HYAL4: variants seen among roughly 807,000 people sequenced by gnomAD.
The protein encoded by HYAL4 is hyaluronidase 4.
A neutral mutation model predicts 35.2 loss-of-function variants in HYAL4; 37 were observed. The ratio of observed to expected loss-of-function variants is 1.05; its 90% CI spans 0.81 to 1.38. The LOEUF (loss-of-function observed/expected upper bound fraction) is 1.38, where lower values mean the gene tolerates loss of function less well. Ranked by LOEUF, HYAL4 falls within the 40% of genes most tolerant of loss-of-function variation. HYAL4 has a pLI of 0.00. For missense variants in HYAL4, 572 were observed against 572.4 expected, an observed-to-expected ratio of 1.00 and a Z score of 0.01; for synonymous variants, 198 against 203.2, an observed-to-expected ratio of 0.97 and a Z score of 0.22.
At chr7:123,844,522 C>T (rs920624663), upstream of HYAL4, among the ~76,000 whole-genome samples, 2 of 152,210 alleles carry the variant, frequency 1.3e-5, no homozygotes, top group African/African-American at 4.8e-5. Context: ...TGTCCTTTCT[C>T]AGAGCTCAAA....
upstream of HYAL4, among the ~76,000 whole-genome samples, chr7:123,828,184 C>T (rs912529501): frequency 3.3e-5 from 5 of 152,092 alleles, no homozygotes; most frequent in African/African-American, 1.2e-4. Context: ...GTAACACTAG[C>T]ATTTGGTGTA....
At chr7:123,796,075 G>A in the HYAL4 span, among the ~76,000 whole-genome samples, 1 of 152,228 alleles carries the variant, frequency 6.6e-6, no homozygotes, top group African/African-American at 2.4e-5. Flanking sequence ...CTATATTGCA[G>A]GGAAATGAAG....
chr7:123,874,949 G>T (rs1806974541), intron 4 of HYAL4, 99 bp downstream of exon 4: 1 of 706,978 alleles, frequency 1.4e-6, no homozygotes. Context: ...ACCAGCTTTA[G>T]AATAAATATT....
chr7:123,864,421 C>T (rs902459676), intron 2 of HYAL4, among the ~76,000 whole-genome samples: 3 of 152,146 alleles, frequency 2.0e-5, no homozygotes, highest in Non-Finnish European at 4.4e-5. Flanking sequence ...ACTTCTACCT[C>T]CAATATCTTG....
the HYAL4 span, among the ~76,000 whole-genome samples, chr7:123,813,007 T>A: frequency 6.6e-6 from 1 of 152,158 alleles, no homozygotes; most frequent in East Asian, 1.9e-4. Flanking sequence ...AATTTAAAAA[T>A]TCAGTGTACA....
chr7:123,811,136 A>C, the HYAL4 span, among the ~76,000 whole-genome samples: 3 of 152,220 alleles, frequency 2.0e-5, no homozygotes, highest in Non-Finnish European at 4.4e-5. Flanking sequence ...ATTATGAATA[A>C]AGCTTCTATA....
the HYAL4 span, among the ~76,000 whole-genome samples, chr7:123,765,174 T>G: frequency 6.6e-6 from 1 of 151,988 alleles, no homozygotes; most frequent in Admixed American, 6.6e-5. Context: ...TTTTAACTCT[T>G]TTGAGTTAAC....
At chr7:123,812,942 T>C in the HYAL4 span, among the ~76,000 whole-genome samples, 1 of 152,126 alleles carries the variant, frequency 6.6e-6, no homozygotes, top group Non-Finnish European at 1.5e-5. Context: ...ATGAAGGCAA[T>C]TGTCTCAATA....
chr7:123,863,161 T>C (rs936298098), intron 2 of HYAL4, among the ~76,000 whole-genome samples: 2 of 152,228 alleles, frequency 1.3e-5, no homozygotes, highest in African/African-American at 2.4e-5. Context: ...ATTTATTTAC[T>C]GTTCTTATTT....
At chr7:123,835,133 T>C (rs1368277404) in intron 1 of HYAL4, among the ~76,000 whole-genome samples, 5 of 152,134 alleles carry the variant, frequency 3.3e-5, no homozygotes, top group Admixed American at 2.0e-4. Flanking sequence ...TTCTCTATCT[T>C]GTGGAATAGT....
At chr7:123,780,729 A>T in the HYAL4 span, among the ~76,000 whole-genome samples, 1 of 151,412 alleles carries the variant, frequency 6.6e-6, no homozygotes, top group Non-Finnish European at 1.5e-5. Flanking sequence ...ACTAAGAAAA[A>T]TTCTTCTGCC....
At chr7:123,872,927 A>G (rs1312315373) in intron 3 of HYAL4, among the ~76,000 whole-genome samples, 1 of 152,216 alleles carries the variant, frequency 6.6e-6, no homozygotes, top group Non-Finnish European at 1.5e-5. Flanking sequence ...CATACTTACT[A>G]TAGACCAATA....
chr7:123,768,152 CAT>C, the HYAL4 span, among the ~76,000 whole-genome samples: 1 of 152,110 alleles, frequency 6.6e-6, no homozygotes, highest in Non-Finnish European at 1.5e-5. Flanking sequence ...TAAGTAATCT[CAT>C]ATTAGGCAGC....
upstream of HYAL4, among the ~76,000 whole-genome samples, chr7:123,828,197 T>C (rs2116903024): frequency 6.6e-6 from 1 of 152,258 alleles, no homozygotes; most frequent in East Asian, 1.9e-4. Flanking sequence ...TTGGTGTAAA[T>C]AATGATCTTT....
the HYAL4 span, among the ~76,000 whole-genome samples, chr7:123,763,765 G>A: frequency 2.6e-5 from 4 of 152,206 alleles, no homozygotes; most frequent in Non-Finnish European, 5.9e-5. Context: ...ACCATGACAT[G>A]TAAGGCCCTT....
At chr7:123,773,333 A>G in the HYAL4 span, among the ~76,000 whole-genome samples, 2 of 152,102 alleles carry the variant, frequency 1.3e-5, no homozygotes, top group Non-Finnish European at 2.9e-5. Context: ...TTACTGTTTC[A>G]TTTATTTAAT....
At chr7:123,801,574 C>G in the HYAL4 span, among the ~76,000 whole-genome samples, 245 of 152,214 alleles carry the variant, frequency 1.6e-3, 2 homozygotes, top group Middle Eastern at 6.8e-3. Context: ...ATTCTTATTT[C>G]TAAGCAGTTT....
chr7:123,801,556 G>A, the HYAL4 span, among the ~76,000 whole-genome samples: 9 of 151,276 alleles, frequency 5.9e-5, no homozygotes, highest in African/African-American at 1.7e-4. Flanking sequence ...TACAAAATAC[G>A]AAAACCTATT....
rs1476134067 is a variant in HYAL4, at chr7:123,848,141, C to A, written c.-69C>A. 2 of 152,520 alleles carry A rather than the reference C, an allele frequency of 1.3e-5. No individual in the cohort carries two copies. The highest frequency in any genetic ancestry group is 4.8e-5 in the African/African-American group (2 of 41,402). 9.4% of individuals were successfully genotyped at this position (152,520 alleles called of 1,614,324 possible). The stretch of plus-strand genomic sequence containing the variant: ...TTGCACAAGGTGACTAAAGGACCAG[C>A]AGCAAACAAAAGCAAAGGTAAAATA... On this transcript the variant is annotated 5_prime_UTR_variant, in exon 2 of 5. Coordinates refer to ENST00000223026, the MANE Select transcript of HYAL4 (RefSeq NM_012269.3).
Sources: allele counts gnomAD v4.1 joint callset (sites outside exome capture counted in the v4.1 genomes callset), GRCh38; gene constraint gnomAD v4.1.1; transcripts MANE v1.5; gene names NCBI Gene and HGNC (gene_info 2026-07-23, HGNC 2026-07-21).